Variants in SETD1B observed in about 807,000 individuals in gnomAD.
SETD1B encodes the protein SET domain containing 1B, histone lysine methyltransferase, also known as histone-lysine N-methyltransferase SETD1B.
SETD1B carries 7 observed loss-of-function variants against 148.0 expected under a neutral mutation model. The ratio of observed to expected loss-of-function variants is 0.05; its 90% CI spans 0.03 to 0.09. The LOEUF is 0.09. Ranked by LOEUF, SETD1B falls within the 10% of genes least tolerant of loss-of-function variation. The pLI is 1.00. For missense variants in SETD1B, 2,155 were observed against 2,729.9 expected (o/e 0.79, Z 4.69); for synonymous variants, 1,361 against 1,186.5 (o/e 1.15, Z -3.02).
chr12:121,825,505 G>GTT, intron 13 of SETD1B, 139 bp downstream of exon 13: 1 of 695,848 alleles, frequency 1.4e-6, no homozygotes, highest in Non-Finnish European at 2.3e-6. Context: ...AAGTGGAAGG[G>GTT]GAGAGGCGGG....
At chr12:121,796,683 G>A in the SETD1B span, among the ~76,000 whole-genome samples, 11 of 152,350 alleles carry the variant, frequency 7.2e-5, no homozygotes, top group Admixed American at 2.0e-4. Context: ...ACAGGCCAGA[G>A]ACAAGGCCAC....
chr12:121,822,566 A>G lies in SETD1B; in HGVS notation c.3987A>G (p.Arg1329=), dbSNP rs1464866812. ...LPLQPPLPPP[R]PPRPPSPPPE... ...TGCAACCACCATTGCCGCCCCCACG[A>G]CCACCCCGGCCACCCAGCCCACCGC... The change falls in exon 12 of 17, where the codon CGA becomes CGG. Residue 1329 remains arginine (R), a synonymous_variant. Coordinates refer to ENST00000604567, the MANE Select transcript of SETD1B (RefSeq NM_001353345.2). 3 of 1,550,810 alleles carry G rather than the reference A, an allele frequency of 1.9e-6. No individual in the cohort carries two copies. In the African/African-American group the frequency reaches 4.1e-5, roughly 21 times the overall value.
chr12:121,810,305 C>A lies in SETD1B; in HGVS notation c.1360C>A (p.Pro454Thr). The A allele has an allele frequency of 6.5e-7, 1 of 1,542,972 alleles. No homozygotes were observed. The highest frequency in any genetic ancestry group is 8.7e-7 in the Non-Finnish European group (1 of 1,146,500). The change falls in exon 6 of 17, where the codon CCG (proline) becomes ACG (threonine). Residue 454 changes from proline to threonine, a missense_variant. Coordinates refer to ENST00000604567, the MANE Select transcript of SETD1B (RefSeq NM_001353345.2). This position sits in a 1 kb window ranked among gnomAD's most constrained non-coding sequence, Gnocchi z 7.6. ...AKEKPGTPPG[P>T]PPPDTNSMEL... ...GGAGAAGCCAGGCACGCCACCCGGC[C>A]CGCCGCCCCCCGACACCAACAGCAT...
At chr12:121,816,948 T>TGGAA in intron 7 of SETD1B, 85 bp from the exon 8 acceptor site, 2 of 1,256,990 alleles carry the variant, frequency 1.6e-6, no homozygotes, top group Non-Finnish European at 2.1e-6. Flanking sequence ...TACTGCCGAG[T>TGGAA]GGAAGGCAGG....
Position 121,823,502 on chromosome 12 carries a change from G to T in SETD1B, c.4923G>T (p.Pro1641=). ...TGGAGTTGGCCAAGAGCCGGGGGCC[G>T]TGGCGCCGGCCACCTAAGAAGCGCC... ...EYMELAKSRG[P]WRRPPKKRHE... is the part of the protein sequence containing the mutation. The change falls in exon 12 of 17, where the codon CCG becomes CCT. Residue 1641 remains proline (P), a synonymous_variant. Coordinates refer to ENST00000604567, the MANE Select transcript of SETD1B (RefSeq NM_001353345.2). The T allele has an allele frequency of 6.4e-7, 1 of 1,550,604 alleles. No homozygotes were observed. The highest frequency in any genetic ancestry group is 8.7e-7 in the Non-Finnish European group (1 of 1,146,878).
At chr12:121,793,174 G>T in the SETD1B span, 1 of 1,550,594 alleles carries the variant, frequency 6.4e-7, no homozygotes, top group East Asian at 2.4e-5. Flanking sequence ...AGAGGTTCAG[G>T]GTCACCTCCT....
At position 121,817,952 on chromosome 12, in the gene SETD1B, C is replaced by T. The variant is rs555627192; in HGVS notation, c.3418+48C>T. On this transcript the variant is annotated intron_variant, in intron 10 of 16. Transcript: ENST00000604567. This position sits in a 1 kb window ranked among gnomAD's most constrained non-coding sequence, Gnocchi z 8.1. Reference sequence around the variant, plus strand: ...CCTGGCCCTCCCGGAGTCCCTCTTTCCCCGGGGCAGAGCCTGAGCAATTGT... The same window carrying T: ...CCTGGCCCTCCCGGAGTCCCTCTTTTCCCGGGGCAGAGCCTGAGCAATTGT... The T allele has an allele frequency of 4.9e-4, 726 of 1,478,138 alleles. 3 individuals carry two copies. The African/African-American group carries it at 9.1e-3, about 19-fold the overall frequency. The allele number at this position is 1,478,138 out of a possible 1,614,324, so 91.6% of individuals were successfully genotyped here. A position where few individuals can be genotyped will look rare whatever the true frequency, so the allele number is the denominator to read the frequency against.
chr12:121,810,481 C>A lies in SETD1B; in HGVS notation c.1536C>A (p.Thr512=), dbSNP rs1477588426. 1 of 1,547,786 alleles carries A rather than the reference C, an allele frequency of 6.5e-7. No individual in the cohort carries two copies. Among genetic ancestry groups the A allele is most frequent in the Admixed American group, 2.0e-5 (1 of 51,020 alleles). ...RIEMLLKEQR[T]KLLFLREPDS... ...AGATGCTGCTGAAGGAGCAGCGCAC[C>A]AAGCTGCTCTTCCTGAGGGAGCCGG... is the stretch of plus-strand genomic sequence containing the variant. Residue 512 remains threonine, a synonymous_variant, in exon 6 of 17, where the codon ACC becomes ACA. Transcript: ENST00000604567. The surrounding 1 kb of genome is among the most constrained non-coding windows in gnomAD (Gnocchi z 7.6).
At position 121,830,330 on chromosome 12, in the gene SETD1B, G is replaced by GCCCCCA; in HGVS notation, c.*92_*97dup. 1 of 1,295,860 alleles carries GCCCCCA rather than the reference G, an allele frequency of 7.7e-7. No homozygotes were observed. Among genetic ancestry groups the GCCCCCA allele is most frequent in the South Asian group, 1.4e-5 (1 of 69,548 alleles). 80.3% of individuals were successfully genotyped at this position (1,295,860 alleles called of 1,614,324 possible). On this transcript the variant is annotated 3_prime_UTR_variant, in exon 17 of 17. Transcript: ENST00000604567. The surrounding 1 kb of genome is among the most constrained non-coding windows in gnomAD (Gnocchi z 5.7). Reference sequence around the variant, plus strand: ...CCCCGGGGCCCGGCCCCCCGCGCCCGCCCCCATTTCAGGTGCTGTCCTCTA... The same window carrying GCCCCCA: ...CCCCGGGGCCCGGCCCCCCGCGCCCGCCCCCACCCCCATTTCAGGTGCTGTCCTCTA...
chr12:121,821,445 A>C (rs944289190), intron 11 of SETD1B, among the ~76,000 whole-genome samples: 1 of 151,266 alleles, frequency 6.6e-6, no homozygotes, highest in Non-Finnish European at 1.5e-5. Flanking sequence ...TTAAAAAAAA[A>C]AAAAAAGAAA....
chr12:121,810,695 G>A lies in SETD1B; in HGVS notation c.1750G>A (p.Glu584Lys), dbSNP rs1224301294. The change falls in exon 6 of 17, where the codon GAG becomes AAG. Residue 584 changes from glutamate (E) to lysine (K), a missense_variant. By Grantham distance (56) the Glu-to-Lys change is moderately conservative. Around this residue, in one of 11 missense-constraint regions of SETD1B, gnomAD observed 295 missense variants for 303.8 expected, o/e 0.97. Transcript: ENST00000604567. This position sits in a 1 kb window ranked among gnomAD's most constrained non-coding sequence, Gnocchi z 7.6. ...PTPLPDSDED[E>K]ELDLGLGPRP... is the part of the protein sequence containing the mutation. ...ACCCCTCCCAGACTCCGACGAGGACGAGGAGCTCGACCTGGGCCTTGGGCC... is the reference window on the plus strand; with the variant it reads ...ACCCCTCCCAGACTCCGACGAGGACAAGGAGCTCGACCTGGGCCTTGGGCC... 2 of 1,551,022 alleles carry A rather than the reference G, an allele frequency of 1.3e-6. No homozygotes were observed. The highest frequency in any genetic ancestry group is 1.7e-6 in the Non-Finnish European group (2 of 1,146,912).
In SETD1B at chr12:121,810,872, T is replaced by TG. The variant is rs1434004291; in HGVS notation, c.1890+37_1890+38insG. On this transcript the variant is annotated intron_variant, in intron 6 of 16. Coordinates refer to ENST00000604567, the MANE Select transcript of SETD1B (RefSeq NM_001353345.2). This position sits in a 1 kb window ranked among gnomAD's most constrained non-coding sequence, Gnocchi z 7.6. ...TCTGTCCATCTGTCTGGGACTGGTT[T>TG]TGTCTATCTTGTATCTCCCTTTCCC... The TG allele has an allele frequency of 3.4e-6, 5 of 1,453,670 alleles. No individual in the cohort carries two copies. The highest frequency in any genetic ancestry group is 4.6e-6 in the Non-Finnish European group (5 of 1,097,968). The allele number at this position is 1,453,670 out of a possible 1,614,324, so 90.0% of individuals were successfully genotyped here.
rs764348033 is a variant in SETD1B at position 121,825,409 on chromosome 12, G to A, written c.5337+43G>A. 32 of 1,521,938 alleles carry A rather than the reference G, an allele frequency of 2.1e-5. No homozygotes were observed. The African/African-American group carries it at 4.4e-4, about 21-fold the overall frequency. The allele number at this position is 1,521,938 out of a possible 1,614,324, so 94.3% of individuals were successfully genotyped here. On this transcript the variant is annotated intron_variant, in intron 13 of 16. Coordinates refer to ENST00000604567, the MANE Select transcript of SETD1B (RefSeq NM_001353345.2). ...GGACACATCAGAGCCTGCTGGGCTGGGCCACGGGGATCCAGGGCACTCATG... is the reference window on the plus strand; with the variant it reads ...GGACACATCAGAGCCTGCTGGGCTGAGCCACGGGGATCCAGGGCACTCATG...
rs1046225006 is a variant in SETD1B at position 121,824,961 on chromosome 12, C to G, written c.5171-239C>G. On this transcript the variant is annotated intron_variant, in intron 12 of 16. Transcript: ENST00000604567. ...TTGCACCACTGCACTCGAGCCTGGG[C>G]AACAGGAGACCCTGTCTCAAAAAAA... 3.0e-5 allele frequency among the ~76,000 whole-genome samples: 4 copies of G among 132,660 alleles called. No individual in the cohort carries two copies. In the Admixed American group the frequency reaches 3.5e-4, roughly 12 times the overall value. 87.0% of individuals were successfully genotyped at this position (132,660 alleles called of 152,430 possible).
chr12:121,823,337 T>TGGCCCC lies in SETD1B; in HGVS notation c.4758_4759insGGCCCC (p.Leu1586_Pro1587insGlyPro). ...GGATCCCAGCCCCTCCACCACCCCT[T>TGGCCCC]CCCCCCCAGCCACCCCCACCCCCAC... On this transcript the variant is annotated inframe_insertion, in exon 12 of 17. Transcript: ENST00000604567. 1.1e-5 allele frequency: 9 copies of TGGCCCC among 809,442 alleles called. No individual in the cohort carries two copies. The highest frequency in any genetic ancestry group is 1.6e-5 in the Non-Finnish European group (9 of 560,524). 50.1% of individuals were successfully genotyped at this position (809,442 alleles called of 1,614,324 possible). A position where few individuals can be genotyped will look rare whatever the true frequency, so the allele number is the denominator to read the frequency against.
intron 14 of SETD1B, 36 bp from the exon 15 acceptor site, chr12:121,827,699 A>T: frequency 1.3e-6 from 2 of 1,551,674 alleles, no homozygotes; most frequent in Non-Finnish European, 1.7e-6. Flanking sequence ...AGGACCTGAG[A>T]CCGGGGCTCA....
chr12:121,797,166 G>A, the SETD1B span: 1 of 342,804 alleles, frequency 2.9e-6, no homozygotes, highest in African/African-American at 2.2e-5. Context: ...TCACTGCACA[G>A]CCCAGGCAGA....
chr12:121,803,248 A>G (rs1875487921), upstream of SETD1B: 2 of 152,200 alleles, frequency 1.3e-5, no homozygotes, highest in Non-Finnish European at 2.9e-5. This position sits in a 1 kb window ranked among gnomAD's most constrained non-coding sequence, Gnocchi z 4.7. Context: ...CCACTCCCGG[A>G]CCTTTAATAA....
In SETD1B at chr12:121,809,847, G is replaced by A. The variant is rs1875929579; in HGVS notation, c.902G>A (p.Ser301Asn). The change falls in exon 6 of 17, where the codon AGC becomes AAC. Residue 301 changes from serine (S) to asparagine (N), a missense_variant. By Grantham distance (46) the Ser-to-Asn change is conservative (BLOSUM62 1). This residue lies in a region of SETD1B where 376 missense variants were observed against 385.0 expected (regional missense o/e 0.98). Transcript: ENST00000604567. ...SRQPTPSYLF[S>N]QDPAVTFKAR... ...CAGCCCACACCCTCATACCTCTTCA[G>A]CCAGGACCCTGCAGTGACCTTCAAG... is the stretch of plus-strand genomic sequence containing the variant. The A allele has an allele frequency of 6.4e-7, 1 of 1,551,448 alleles. No homozygotes were observed. Among genetic ancestry groups the A allele is most frequent in the Non-Finnish European group, 8.7e-7 (1 of 1,146,984 alleles).
Sources: gnomAD v4.1 joint callset for allele counts (sites outside exome capture counted in the v4.1 genomes callset) on GRCh38, gnomAD v4.1.1 for gene constraint, gnomAD v4.1.1 regional missense constraint, Gnocchi (gnomAD v3.1) non-coding constraint, MANE v1.5 for transcripts, NCBI Gene and HGNC (gene_info 2026-07-23, HGNC 2026-07-21) for gene names.